MYO5B: variants seen among roughly 807,000 people sequenced by gnomAD.
MYO5B encodes the protein unconventional myosin-Vb.
Under a neutral mutation model 229.3 loss-of-function variants are expected in MYO5B, and 143 were observed. The observed-to-expected ratio is 0.62, with a 90% CI of 0.54 to 0.72. The LOEUF (loss-of-function observed/expected upper bound fraction) is 0.72. Among genes scored for constraint, MYO5B ranks in the 30% least tolerant of loss-of-function variants. The pLI, the probability that MYO5B is intolerant of heterozygous loss-of-function variation, is 0.00. For missense variants in MYO5B, 2,321 were observed against 2,331.0 expected, an observed-to-expected ratio of 1.00 and a Z score of 0.09; for synonymous variants, 918 against 885.2, an observed-to-expected ratio of 1.04 and a Z score of -0.66.
chr18:50,091,291 A>G (rs964883815), intron 1 of MYO5B, among the ~76,000 whole-genome samples: 1 of 152,210 alleles, frequency 6.6e-6, no homozygotes, highest in Non-Finnish European at 1.5e-5. Context: ...AATGCTATGC[A>G]TTCCCCTCCA....
intron 6 of MYO5B, among the ~76,000 whole-genome samples, chr18:49,991,258 A>G (rs1381054473): frequency 6.6e-6 from 1 of 152,234 alleles, no homozygotes; most frequent in African/African-American, 2.4e-5. Flanking sequence ...TAAAAAATTC[A>G]TTAGATGTTT....
intron 25 of MYO5B, 114 bp downstream of exon 25, chr18:49,877,649 G>C: frequency 7.0e-7 from 1 of 1,423,752 alleles, no homozygotes; most frequent in East Asian, 2.4e-5. Flanking sequence ...ATTAGCCCCT[G>C]GGCACTCTGG....
At chr18:49,865,751 C>A (rs2024388458) in intron 27 of MYO5B, among the ~76,000 whole-genome samples, 1 of 152,232 alleles carries the variant, frequency 6.6e-6, no homozygotes, top group Non-Finnish European at 1.5e-5. Context: ...TGCTGACAGC[C>A]ACGCCAGGCC....
intron 16 of MYO5B, among the ~76,000 whole-genome samples, chr18:49,931,507 A>T (rs2025191482): frequency 6.6e-6 from 1 of 152,146 alleles, no homozygotes; most frequent in Non-Finnish European, 1.5e-5. Flanking sequence ...CCTTCAGAAG[A>T]CTTCATCTTT....
At chr18:49,844,442 G>A (rs955160190) in intron 33 of MYO5B, among the ~76,000 whole-genome samples, 2 of 152,144 alleles carry the variant, frequency 1.3e-5, no homozygotes, top group East Asian at 3.9e-4. Context: ...GGCTCAGAAT[G>A]GCAATGAAGG....
chr18:50,182,328 A>G (rs987633592), intron 1 of MYO5B, among the ~76,000 whole-genome samples: 1 of 152,178 alleles, frequency 6.6e-6, no homozygotes, highest in African/African-American at 2.4e-5. Flanking sequence ...CCACCTCATC[A>G]TGCAAATACC....
At chr18:49,828,239 T>C (rs919103270) in intron 39 of MYO5B, among the ~76,000 whole-genome samples, 4 of 152,188 alleles carry the variant, frequency 2.6e-5, no homozygotes, top group African/African-American at 9.6e-5. Flanking sequence ...GGCAGTGGGA[T>C]GACACAGCTC....
chr18:50,160,764 T>C (rs544221088), intron 1 of MYO5B, among the ~76,000 whole-genome samples: 1 of 152,300 alleles, frequency 6.6e-6, no homozygotes, highest in Admixed American at 6.5e-5. Context: ...GACACAATCC[T>C]AGGGCCTAGC....
intron 35 of MYO5B, among the ~76,000 whole-genome samples, chr18:49,840,803 TGTGAA>T (rs915607019): frequency 1.3e-5 from 2 of 152,142 alleles, no homozygotes; most frequent in African/African-American, 4.8e-5. Flanking sequence ...CGGTGTGGAT[TGTGAA>T]GTGATGGGGT....
chr18:50,115,304 C>G (rs1438256623), intron 1 of MYO5B, among the ~76,000 whole-genome samples: 2 of 152,244 alleles, frequency 1.3e-5, no homozygotes, highest in Non-Finnish European at 2.9e-5. Context: ...AATACTCAGA[C>G]AGCAGTGAGC....
At chr18:49,974,779 T>TCA (rs111420791) in intron 9 of MYO5B, among the ~76,000 whole-genome samples, 164 bp from the exon 10 acceptor site, 77,894 of 117,004 alleles carry the variant, frequency 0.67, 23,548 homozygotes, top group Non-Finnish European at 0.75. Flanking sequence ...GCAGTCTCTC[T>TCA]CACACACACA....
intron 1 of MYO5B, among the ~76,000 whole-genome samples, chr18:50,091,288 T>TGC (rs973678233): frequency 6.6e-6 from 1 of 152,248 alleles, no homozygotes; most frequent in African/African-American, 2.4e-5. Context: ...ATCAATGCTA[T>TGC]GCATTCCCCT....
intron 12 of MYO5B, among the ~76,000 whole-genome samples, chr18:49,961,419 C>A (rs746053319): frequency 1.3e-5 from 2 of 152,194 alleles, no homozygotes; most frequent in Admixed American, 6.5e-5. Context: ...TTTTCAAAGG[C>A]AACAAAACTA....
chr18:49,892,104 CCAAA>C (rs893855734), intron 22 of MYO5B, among the ~76,000 whole-genome samples: 12 of 152,214 alleles, frequency 7.9e-5, no homozygotes, highest in Admixed American at 7.8e-4. Context: ...CTCTCTTTCA[CCAAA>C]CAGAGCAGCC....
chr18:50,107,472 G>A (rs1276171605), intron 1 of MYO5B, among the ~76,000 whole-genome samples: 1 of 152,068 alleles, frequency 6.6e-6, no homozygotes, highest in East Asian at 1.9e-4. Context: ...CTCACATCTT[G>A]AGCTTCAATT....
At chr18:49,970,458 T>C (rs949719906) in intron 10 of MYO5B, among the ~76,000 whole-genome samples, 1 of 152,166 alleles carries the variant, frequency 6.6e-6, no homozygotes, top group Non-Finnish European at 1.5e-5. Context: ...CTGTGGCCCA[T>C]GCTAATTTGT....
rs538525249 is a variant in MYO5B at position 50,131,482 on chromosome 18, C to T, written c.27+63285G>A. 2.2e-4 allele frequency among the ~76,000 whole-genome samples: 34 copies of T among 152,354 alleles called. No homozygotes were observed. In the South Asian group the frequency reaches 6.6e-3, roughly 30 times the overall value. Reference sequence around the variant, plus strand: ...AGGTACTGAGCCCACTCCCTCACTCCTGCCACTTCCTACAGACACTTTCAA... The same window carrying T: ...AGGTACTGAGCCCACTCCCTCACTCTTGCCACTTCCTACAGACACTTTCAA... On this transcript the variant is annotated intron_variant, in intron 1 of 39. Coordinates refer to ENST00000285039, the MANE Select transcript of MYO5B (RefSeq NM_001080467.3).
chr18:50,180,700 G>A (rs942571590), intron 1 of MYO5B, among the ~76,000 whole-genome samples: 15 of 152,110 alleles, frequency 9.9e-5, no homozygotes, highest in Non-Finnish European at 1.2e-4. Context: ...TAAAAACCCT[G>A]CTATCACTCT....
At chr18:49,926,589 G>C (rs1046108257) in intron 17 of MYO5B, among the ~76,000 whole-genome samples, 2 of 152,238 alleles carry the variant, frequency 1.3e-5, no homozygotes, top group African/African-American at 4.8e-5. Flanking sequence ...GGGGTCACCA[G>C]CCACCCTTCA....
Sources: gnomAD v4.1 joint callset for allele counts (sites outside exome capture counted in the v4.1 genomes callset) on GRCh38, gnomAD v4.1.1 for gene constraint, MANE v1.5 for transcripts, NCBI Gene and HGNC (gene_info 2026-07-23, HGNC 2026-07-21) for gene names.